ZNF257: variants seen among roughly 807,000 people sequenced by gnomAD.
ZNF257 encodes bone marrow zinc finger 4.
In ZNF257, 12 loss-of-function variants were observed where a neutral mutation model predicts 11.9. The observed-to-expected ratio is 1.01, with a 90% CI of 0.65 to 1.63. ZNF257 has a LOEUF of 1.63. Among genes scored for constraint, ZNF257 ranks in the 40% most tolerant of loss-of-function variants. The pLI is 0.00. For missense variants in ZNF257, 580 were observed against 665.5 expected (o/e 0.87, Z 1.41); for synonymous variants, 183 against 222.7 (o/e 0.82, Z 1.59).
Position 22,052,530 on chromosome 19 carries a change from G to A in ZNF257, c.-103G>A. 1 of 1,419,000 alleles carries A rather than the reference G, an allele frequency of 7.0e-7. No homozygotes were observed. Among genetic ancestry groups the A allele is most frequent in the Non-Finnish European group, 9.8e-7 (1 of 1,017,612 alleles). 87.9% of individuals were successfully genotyped at this position (1,419,000 alleles called of 1,614,324 possible). On this transcript the variant is annotated 5_prime_UTR_variant, in exon 1 of 4. Transcript: ENST00000594947. ...CGAGCTGCAGGTCTCGTCTTCCCTG[G>A]TCTGTGTCCTCTTCTCCTAGGGGCC...
Position 22,088,973 on chromosome 19 carries a change from C to T in ZNF257, c.1223C>T (p.Ala408Val). The T allele has an allele frequency of 1.2e-6, 2 of 1,611,546 alleles. No homozygotes were observed. Among genetic ancestry groups the T allele is most frequent in the East Asian group, 2.2e-5 (1 of 44,724 alleles). Residue 408 changes from alanine (A) to valine (V), a missense_variant, in exon 4 of 4, where the codon GCT becomes GTT. Physicochemically the swap from Ala to Val is moderately conservative, Grantham distance 64 (BLOSUM62 0). Coordinates refer to ENST00000594947, the MANE Select transcript of ZNF257 (RefSeq NM_033468.4). ...KAYKCDEYCKAFNWSSALTTL... is the reference protein window; with the variant it reads ...KAYKCDEYCKVFNWSSALTTL... ...TACAAATGTGATGAATATTGCAAAG[C>T]TTTTAACTGGTCCTCAGCTCTTACT...
chr19:22,074,712 GTTTGT>G (rs1406021548), intron 3 of ZNF257, among the ~76,000 whole-genome samples: 1 of 151,928 alleles, frequency 6.6e-6, no homozygotes, highest in Non-Finnish European at 1.5e-5. Flanking sequence ...TTACCAGATA[GTTTGT>G]TTTAAGTGTA....
intron 1 of ZNF257, among the ~76,000 whole-genome samples, chr19:22,072,350 A>G (rs2022122567): frequency 1.3e-5 from 2 of 152,128 alleles, no homozygotes; most frequent in Non-Finnish European, 2.9e-5. Context: ...TGGCAAGTAA[A>G]AACTGTCATC....
chr19:22,070,379 T>G (rs1210356568), intron 1 of ZNF257, among the ~76,000 whole-genome samples: 1 of 151,728 alleles, frequency 6.6e-6, no homozygotes, highest in Non-Finnish European at 1.5e-5. Context: ...ATTAAAATGC[T>G]GTGCCCTTTA....
At position 22,090,806 on chromosome 19, in the gene ZNF257, A is replaced by G. The variant is rs1171013175; in HGVS notation, c.*1364A>G. On this transcript the variant is annotated 3_prime_UTR_variant, in exon 4 of 4. Transcript: ENST00000594947. ...CATGCTGTTTCTTCATTTCTATTGT[A>G]TTCACCTGTGAAAGCATGTGATCAA... 4 of 152,124 alleles carry G rather than the reference A, an allele frequency of 2.6e-5. No individual in the cohort carries two copies. Among genetic ancestry groups the G allele is most frequent in the Admixed American group, 2.6e-4 (4 of 15,266 alleles). 9.4% of individuals were successfully genotyped at this position (152,124 alleles called of 1,614,324 possible). A position where few individuals can be genotyped will look rare whatever the true frequency, so the allele number is the denominator to read the frequency against.
At chr19:22,076,974 C>T (rs750836287) in intron 3 of ZNF257, among the ~76,000 whole-genome samples, 5 of 152,084 alleles carry the variant, frequency 3.3e-5, no homozygotes, top group Non-Finnish European at 5.9e-5. Context: ...AGGTATGAGC[C>T]ACCGCACCTG....
chr19:22,066,640 T>A (rs565294848), intron 1 of ZNF257, among the ~76,000 whole-genome samples: 75 of 152,250 alleles, frequency 4.9e-4, no homozygotes, highest in African/African-American at 1.7e-3. Flanking sequence ...TGTAGAAGAG[T>A]GAGAGCCTAC....
intron 3 of ZNF257, among the ~76,000 whole-genome samples, chr19:22,084,736 G>GT (rs55702537): frequency 0.24 from 33,720 of 139,654 alleles, 5,368 homozygotes; most frequent in African/African-American, 0.46. Context: ...AAATTTTAGG[G>GT]TTTTTTTTTT....
At chr19:22,072,424 G>A (rs2022124640) in intron 1 of ZNF257, among the ~76,000 whole-genome samples, 1 of 151,988 alleles carries the variant, frequency 6.6e-6, no homozygotes, top group Admixed American at 6.6e-5. Context: ...GTGGATGTTT[G>A]ACAAAATATT....
At chr19:22,082,368 G>C (rs546779890) in intron 3 of ZNF257, among the ~76,000 whole-genome samples, 1 of 152,146 alleles carries the variant, frequency 6.6e-6, no homozygotes, top group East Asian at 1.9e-4. Context: ...TATATGCAAA[G>C]TCACCATGTT....
At chr19:22,084,682 G>T (rs1239225522) in intron 3 of ZNF257, among the ~76,000 whole-genome samples, 1 of 147,954 alleles carries the variant, frequency 6.8e-6, no homozygotes, top group Non-Finnish European at 1.5e-5. Flanking sequence ...TTTTTCCATT[G>T]TTTCATATTC....
At chr19:22,087,893 T>C in intron 3 of ZNF257, 84 bp from the exon 4 acceptor site, 1 of 1,233,346 alleles carries the variant, frequency 8.1e-7, no homozygotes, top group South Asian at 2.4e-5. Flanking sequence ...TTATGTAGTA[T>C]ATACAGTTTT....
chr19:22,072,740 G>A (rs1234875436), intron 1 of ZNF257, 69 bp from the exon 2 acceptor site: 7 of 1,559,284 alleles, frequency 4.5e-6, no homozygotes, highest in East Asian at 2.3e-5. Context: ...TACACCTTGA[G>A]TGACATTAAA....
chr19:22,072,760 C>T (rs569138792), intron 1 of ZNF257, 49 bp from the exon 2 acceptor site: 128 of 1,584,306 alleles, frequency 8.1e-5, no homozygotes, highest in Non-Finnish European at 1.0e-4. Flanking sequence ...AAATTCTGTC[C>T]CTGACCACTT....
intron 3 of ZNF257, chr19:22,074,423 C>A (rs950633738): frequency 5.3e-5 from 8 of 152,086 alleles, no homozygotes; most frequent in African/African-American, 1.9e-4. Context: ...GCAGTCTCAG[C>A]TCACCGTAAA....
At chr19:22,069,028 C>T (rs572889002) in intron 1 of ZNF257, among the ~76,000 whole-genome samples, 1 of 152,174 alleles carries the variant, frequency 6.6e-6, no homozygotes, top group African/African-American at 2.4e-5. Context: ...TCATCCTTCC[C>T]TCATTCAAGA....
intron 1 of ZNF257, chr19:22,065,751 T>C (rs559817252): frequency 6.6e-6 from 1 of 152,292 alleles, no homozygotes; most frequent in East Asian, 1.9e-4. Flanking sequence ...AAAACCGTAA[T>C]AGCTCTTTAG....
At chr19:22,074,246 C>G (rs7254363) in intron 3 of ZNF257, 1 of 151,826 alleles carries the variant, frequency 6.6e-6, no homozygotes, top group African/African-American at 2.4e-5. Flanking sequence ...GAAACATTTT[C>G]AAATTTATTT....
chr19:22,065,291 C>T (rs1037122493), intron 1 of ZNF257, among the ~76,000 whole-genome samples: 2 of 151,820 alleles, frequency 1.3e-5, no homozygotes, highest in African/African-American at 4.8e-5. Flanking sequence ...CCTCTGCTTC[C>T]CAGGTTCAAG....
Sources: allele counts gnomAD v4.1 joint callset (sites outside exome capture counted in the v4.1 genomes callset), GRCh38; gene constraint gnomAD v4.1.1; transcripts MANE v1.5; gene names NCBI Gene and HGNC (gene_info 2026-07-23, HGNC 2026-07-21).